The following CADPS2 variants were observed in gnomAD, a reference collection of about 807,000 sequenced individuals.
CADPS2 encodes the protein calcium-dependent secretion activator 2.
In CADPS2, 93 loss-of-function variants were observed where a neutral mutation model predicts 172.5. The observed-to-expected ratio is 0.54, with a 90% CI of 0.46 to 0.64. The LOEUF is 0.64. Among genes scored for constraint, CADPS2 ranks in the 30% least tolerant of loss-of-function variants. The pLI is 0.00. For missense variants in CADPS2, 1,420 were observed against 1,565.9 expected (o/e 0.91, Z 1.57); for synonymous variants, 546 against 555.2 (o/e 0.98, Z 0.23).
At chr7:122,521,899 A>AG (rs1361129789) in intron 8 of CADPS2, among the ~76,000 whole-genome samples, 1 of 152,130 alleles carries the variant, frequency 6.6e-6, no homozygotes, top group African/African-American at 2.4e-5. Flanking sequence ...GTTAAGCCTC[A>AG]GCTCATATCA....
chr7:122,873,957 G>T (rs1203771831), intron 1 of CADPS2, among the ~76,000 whole-genome samples: 1 of 151,664 alleles, frequency 6.6e-6, no homozygotes, highest in African/African-American at 2.4e-5. Flanking sequence ...CTGCATAAAT[G>T]TATTATTTTG....
intron 1 of CADPS2, among the ~76,000 whole-genome samples, chr7:122,821,431 T>G (rs1465360627): frequency 1.3e-5 from 2 of 151,564 alleles, no homozygotes; most frequent in Non-Finnish European, 2.9e-5. Flanking sequence ...CTCCCTTCCC[T>G]ACACATCAAG....
intron 1 of CADPS2, among the ~76,000 whole-genome samples, chr7:122,783,246 T>C (rs994084407): frequency 2.0e-5 from 3 of 152,136 alleles, no homozygotes; most frequent in African/African-American, 7.2e-5. Context: ...GGTTTACTTT[T>C]GTAACCCAGT....
chr7:122,800,979 G>A (rs994966865), intron 1 of CADPS2, among the ~76,000 whole-genome samples: 60 of 141,546 alleles, frequency 4.2e-4, no homozygotes, highest in African/African-American at 1.2e-3. Context: ...GCGACAGAGC[G>A]AGACTCTGCC....
At chr7:122,565,187 A>G (rs1184952857) in intron 7 of CADPS2, among the ~76,000 whole-genome samples, 1 of 151,940 alleles carries the variant, frequency 6.6e-6, no homozygotes, top group Non-Finnish European at 1.5e-5. Flanking sequence ...ATGCAGTATA[A>G]CCATGTAACA....
At chr7:122,795,147 T>TA (rs375904629) in intron 1 of CADPS2, among the ~76,000 whole-genome samples, 3,111 of 144,268 alleles carry the variant, frequency 0.022, 66 homozygotes, top group African/African-American at 0.057. Flanking sequence ...GATTGAGACA[T>TA]AAAAAAAAAA....
At position 122,710,082 on chromosome 7, in the gene CADPS2, CA is replaced by C. The variant is rs35346695; in HGVS notation, c.453+26872del. ...AAAAAAAAATGACCTTCTGCCAACC[CA>C]AAAAAAAAAAAATCTTCCTAAGCCA... On this transcript the variant is annotated intron_variant, in intron 2 of 29. Transcript: ENST00000449022. Among the ~76,000 whole-genome samples, 387 of 140,530 alleles carry C rather than the reference CA, an allele frequency of 2.8e-3. 1 individual carries two copies. The highest frequency in any genetic ancestry group is 8.0e-3 in the African/African-American group (301 of 37,842). 92.2% of individuals were successfully genotyped at this position (140,530 alleles called of 152,430 possible).
intron 2 of CADPS2, among the ~76,000 whole-genome samples, chr7:122,692,726 G>C (rs956048943): frequency 2.0e-5 from 3 of 152,228 alleles, no homozygotes; most frequent in African/African-American, 7.2e-5. Context: ...TGAGGTCCGA[G>C]GGGAGTGGGT....
intron 1 of CADPS2, among the ~76,000 whole-genome samples, chr7:122,789,020 C>T (rs1397597940): frequency 6.6e-6 from 1 of 152,170 alleles, no homozygotes; most frequent in Non-Finnish European, 1.5e-5. Context: ...ACCTCTGTAA[C>T]TCTTGGTCCC....
At chr7:122,799,617 A>AG (rs1797165867) in intron 1 of CADPS2, among the ~76,000 whole-genome samples, 1 of 151,608 alleles carries the variant, frequency 6.6e-6, no homozygotes, top group East Asian at 1.9e-4. Context: ...AAAAAAAAAA[A>AG]AAAGAAAAGA....
chr7:122,735,493 G>C (rs572099395), intron 2 of CADPS2, among the ~76,000 whole-genome samples: 3 of 152,230 alleles, frequency 2.0e-5, no homozygotes, highest in Middle Eastern at 3.4e-3. Context: ...AGCACAGCTT[G>C]TGTGCCTTTT....
chr7:122,855,979 T>C (rs144010977), intron 1 of CADPS2, among the ~76,000 whole-genome samples: 1 of 152,152 alleles, frequency 6.6e-6, no homozygotes, highest in Non-Finnish European at 1.5e-5. Context: ...GAAGTTGAGG[T>C]GGGGAGGGGT....
chr7:122,471,799 G>C (rs2055987722), intron 13 of CADPS2, among the ~76,000 whole-genome samples: 1 of 152,050 alleles, frequency 6.6e-6, no homozygotes, highest in African/African-American at 2.4e-5. Flanking sequence ...GGTAACTTGT[G>C]CCTCTCCAAT....
At chr7:122,855,927 CCA>C (rs1815059381) in intron 1 of CADPS2, among the ~76,000 whole-genome samples, 1 of 152,144 alleles carries the variant, frequency 6.6e-6, no homozygotes, top group Admixed American at 6.5e-5. Flanking sequence ...TATTAATACC[CCA>C]GTCTTCCTAC....
chr7:122,618,712 C>G (rs2133939507), intron 5 of CADPS2, among the ~76,000 whole-genome samples: 1 of 152,268 alleles, frequency 6.6e-6, no homozygotes, highest in African/African-American at 2.4e-5. Flanking sequence ...AATATGGGGT[C>G]TGAGGAGCAA....
At chr7:122,828,246 C>T (rs1473092156) in intron 1 of CADPS2, among the ~76,000 whole-genome samples, 1 of 144,308 alleles carries the variant, frequency 6.9e-6, no homozygotes, top group Non-Finnish European at 1.5e-5. Flanking sequence ...ACCATTTCTA[C>T]TATTTTTTAT....
intron 1 of CADPS2, among the ~76,000 whole-genome samples, chr7:122,738,744 G>T (rs1014414716): frequency 6.6e-6 from 1 of 151,514 alleles, no homozygotes; most frequent in African/African-American, 2.4e-5. Context: ...TCAAAAAATG[G>T]GTTTTATTTA....
At chr7:122,597,223 T>C (rs996792363) in intron 6 of CADPS2, among the ~76,000 whole-genome samples, 1 of 152,040 alleles carries the variant, frequency 6.6e-6, no homozygotes, top group African/African-American at 2.4e-5. Context: ...CAGTTAAACT[T>C]TTTGAGTATC....
At chr7:122,787,170 A>G (rs889776149) in intron 1 of CADPS2, among the ~76,000 whole-genome samples, 1 of 152,190 alleles carries the variant, frequency 6.6e-6, no homozygotes, top group Non-Finnish European at 1.5e-5. Flanking sequence ...TTGAGCGTAG[A>G]TATCTAAACA....
Sources: allele counts gnomAD v4.1 joint callset (sites outside exome capture counted in the v4.1 genomes callset), GRCh38; gene constraint gnomAD v4.1.1; transcripts MANE v1.5; gene names NCBI Gene and HGNC (gene_info 2026-07-23, HGNC 2026-07-21).